Variants in EXO1 observed in about 807,000 individuals in gnomAD.
EXO1 encodes the protein exonuclease 1.
In EXO1, 69 loss-of-function variants were observed where a neutral mutation model predicts 84.5. The observed-to-expected ratio is 0.82, with a 90% CI of 0.67 to 1.00. The LOEUF (loss-of-function observed/expected upper bound fraction) is 1.00. EXO1 is among the 50% of genes least tolerant of loss of function. The pLI is 0.00. For synonymous variants in EXO1, 373 were observed against 366.1 expected (o/e 1.02, Z -0.21); for missense variants, 1,045 against 1,000.7 (o/e 1.04, Z -0.60).
chr1:241,869,838 CTG>C (rs1168220323), intron 11 of EXO1, among the ~76,000 whole-genome samples: 3 of 139,742 alleles, frequency 2.1e-5, no homozygotes, highest in African/African-American at 7.9e-5. Flanking sequence ...TTTTTTGAGA[CTG>C]TGTCACTGTG....
At chr1:241,849,809 T>G (rs1660551587) in intron 3 of EXO1, among the ~76,000 whole-genome samples, 1 of 152,194 alleles carries the variant, frequency 6.6e-6, no homozygotes, top group South Asian at 2.1e-4. Context: ...CCTGGCTCCT[T>G]GAAGCATGTG....
intron 7 of EXO1, among the ~76,000 whole-genome samples, chr1:241,858,197 C>T (rs1292919386): frequency 6.6e-6 from 1 of 152,138 alleles, no homozygotes; most frequent in Non-Finnish European, 1.5e-5. Context: ...AAATGTTTTT[C>T]GTATGCATTA....
chr1:241,863,601 G>A lies in EXO1; in HGVS notation c.1041+2099G>A, dbSNP rs374798495. 4.5e-4 allele frequency among the ~76,000 whole-genome samples: 69 copies of A among 152,080 alleles called. 2 individuals carry two copies. In the South Asian group the frequency reaches 0.014, roughly 31 times the overall value. ...CTGGTGATCCATTCAGCATGGAAAA[G>A]TAACCATTACTGTAAGCTGAAATAA... On this transcript the variant is annotated intron_variant, in intron 10 of 15. Coordinates refer to ENST00000366548, the MANE Select transcript of EXO1 (RefSeq NM_130398.4).
chr1:241,879,230 C>T lies in EXO1; in HGVS notation c.1996C>T (p.Pro666Ser). The change falls in exon 13 of 16, where the codon CCC becomes TCC. Residue 666 changes from proline (P) to serine (S), a missense_variant. Pro to Ser is a moderately conservative substitution (Grantham distance 74). Coordinates refer to ENST00000366548, the MANE Select transcript of EXO1 (RefSeq NM_130398.4). ...GGAGTCCAGTGACGATGAGTCTCAT[C>T]CCTTACGAGAAGAGGCATGTTCTTC... ...SEESSDDESH[P>S]LREEACSSQS... The T allele has an allele frequency of 1.2e-6, 2 of 1,600,662 alleles. No individual in the cohort carries two copies. The highest frequency in any genetic ancestry group is 1.7e-6 in the Non-Finnish European group (2 of 1,173,052).
In EXO1 at chr1:241,872,124, A is replaced by C. The variant is rs1662137302; in HGVS notation, c.1360A>C (p.Ser454Arg). 6.2e-7 allele frequency: 1 copy of C among 1,613,888 alleles called. No individual in the cohort carries two copies. The highest frequency in any genetic ancestry group is 1.3e-5 in the African/African-American group (1 of 74,894). ...TAGCTCTGAAGGCAATAAATCATTGAGCTTTTCTGAAGTGTTTGTGCCTGA... is the reference window on the plus strand; with the variant it reads ...TAGCTCTGAAGGCAATAAATCATTGCGCTTTTCTGAAGTGTTTGTGCCTGA... ...KNSSEGNKSLSFSEVFVPDLV... is the reference protein window; with the variant it reads ...KNSSEGNKSLRFSEVFVPDLV... The change falls in exon 12 of 16, where the codon AGC (serine) becomes CGC (arginine). Residue 454 changes from serine to arginine, a missense_variant. Coordinates refer to ENST00000366548, the MANE Select transcript of EXO1 (RefSeq NM_130398.4).
At chr1:241,876,347 C>T (rs1025502640) in intron 12 of EXO1, among the ~76,000 whole-genome samples, 5 of 152,050 alleles carry the variant, frequency 3.3e-5, no homozygotes, top group East Asian at 1.9e-4. Context: ...TCTGGGAGGC[C>T]GAGGAGGGTG....
intron 3 of EXO1, among the ~76,000 whole-genome samples, chr1:241,849,778 G>A (rs1283535761): frequency 2.6e-5 from 4 of 152,120 alleles, no homozygotes; most frequent in Non-Finnish European, 5.9e-5. Context: ...CGATGCCATC[G>A]CATGCATGGT....
chr1:241,876,244 C>A (rs75449509), intron 12 of EXO1, among the ~76,000 whole-genome samples: 1,559 of 152,280 alleles, frequency 0.01, 19 homozygotes, highest in South Asian at 0.079. Context: ...AGGAGTAAGT[C>A]AGTCTTTGAT....
chr1:241,880,866 G>A (rs1280544541), intron 13 of EXO1, among the ~76,000 whole-genome samples: 1 of 152,150 alleles, frequency 6.6e-6, no homozygotes, highest in African/African-American at 2.4e-5. Context: ...GACCATATTT[G>A]AGGTTGAAGT....
intron 12 of EXO1, among the ~76,000 whole-genome samples, chr1:241,874,916 A>AAC (rs1662305911): frequency 6.6e-6 from 1 of 152,242 alleles, no homozygotes; most frequent in Non-Finnish European, 1.5e-5. Flanking sequence ...ATGATAGAGT[A>AAC]ACACTAAGAG....
chr1:241,874,440 G>C (rs564122737), intron 12 of EXO1, among the ~76,000 whole-genome samples: 1 of 152,188 alleles, frequency 6.6e-6, no homozygotes, highest in South Asian at 2.1e-4. Flanking sequence ...GTTTTAATCA[G>C]GGGAGGTGGT....
chr1:241,866,956 T>C lies in EXO1; in HGVS notation c.1168T>C (p.Leu390=), dbSNP rs986935204. The C allele has an allele frequency of 4.3e-6, 7 of 1,613,910 alleles. No homozygotes were observed. In the East Asian group the frequency reaches 8.9e-5, roughly 21 times the overall value. Residue 390 remains leucine (L), a synonymous_variant, in exon 11 of 16, where the codon TTG becomes CTG. Transcript: ENST00000366548. ...ESGTVSDAPQ[L]KENPSTVGVE... is the part of the protein sequence containing the mutation. ...GGGTACTGTTTCAGATGCCCCACAA[T>C]TGAAGGAAAATCCAAGTACTGTGGG...
chr1:241,856,227 G>A (rs1290273955), intron 6 of EXO1, among the ~76,000 whole-genome samples: 13 of 151,822 alleles, frequency 8.6e-5, no homozygotes, highest in Admixed American at 8.5e-4. Context: ...ATAGCAGCAG[G>A]ATCTTGATAC....
In EXO1 at chr1:241,857,488, C is replaced by A; in HGVS notation, c.543+6C>A. The stretch of plus-strand genomic sequence containing the variant: ...TAGCTTTTGGCTGTAAAAAGGTACT[C>A]ACCTCTGACTACTATATATTACTTT... On this transcript the variant is annotated splice_donor_region_variant and intron_variant, in intron 7 of 15. Coordinates refer to ENST00000366548, the MANE Select transcript of EXO1 (RefSeq NM_130398.4). 1 of 1,611,444 alleles carries A rather than the reference C, an allele frequency of 6.2e-7. No individual in the cohort carries two copies. Among genetic ancestry groups the A allele is most frequent in the South Asian group, 1.1e-5 (1 of 90,980 alleles).
chr1:241,848,574 C>A lies in EXO1; in HGVS notation c.-419-157C>A, dbSNP rs1195588120. On this transcript the variant is annotated intron_variant, in intron 1 of 15. Coordinates refer to ENST00000366548, the MANE Select transcript of EXO1 (RefSeq NM_130398.4). The surrounding 1 kb of genome is among the most constrained non-coding windows in gnomAD (Gnocchi z 4.2). ...AACCAGAGGTCTGCAGTTCAGTGAA[C>A]GGAGGGAGATAAGAGAGCAGACGAT... 6.6e-6 allele frequency among the ~76,000 whole-genome samples: 1 copy of A among 152,158 alleles called. No homozygotes were observed. Among genetic ancestry groups the A allele is most frequent in the Non-Finnish European group, 1.5e-5 (1 of 68,030 alleles).
chr1:241,875,803 G>A (rs998890544), intron 12 of EXO1, among the ~76,000 whole-genome samples: 6 of 152,284 alleles, frequency 3.9e-5, no homozygotes, highest in South Asian at 2.1e-4. Flanking sequence ...GCTTGAACCC[G>A]GGAGGCGGAG....
chr1:241,879,115 C>A lies in EXO1; in HGVS notation c.1881C>A (p.Ser627Arg). ...CAAGAACGCCGAGCCCCTCTCCAAG[C>A]ACAGCATTGCAGCAGTTCCGAAGAA... ...DFSRTPSPSP[S>R]TALQQFRRKS... Residue 627 changes from serine (S) to arginine (R), a missense_variant, in exon 13 of 16, where the codon AGC becomes AGA. Transcript: ENST00000366548. The A allele has an allele frequency of 6.2e-7, 1 of 1,613,552 alleles. No homozygotes were observed. Among genetic ancestry groups the A allele is most frequent in the Non-Finnish European group, 8.5e-7 (1 of 1,179,424 alleles).
intron 4 of EXO1, among the ~76,000 whole-genome samples, chr1:241,850,836 CTTT>C (rs10641736): frequency 0.083 from 8,672 of 104,836 alleles, 440 homozygotes; most frequent in Admixed American, 0.22. Context: ...CTCCTTTATT[CTTT>C]TTTTTTTTTT....
At chr1:241,878,471 T>TG (rs1662531054) in intron 12 of EXO1, among the ~76,000 whole-genome samples, 1 of 142,192 alleles carries the variant, frequency 7.0e-6, no homozygotes, top group Non-Finnish European at 1.5e-5. Context: ...CACTCCAGCC[T>TG]GGTGACAGAG....
Sources: gnomAD v4.1 joint callset for allele counts (sites outside exome capture counted in the v4.1 genomes callset) on GRCh38, gnomAD v4.1.1 for gene constraint, Gnocchi (gnomAD v3.1) non-coding constraint, MANE v1.5 for transcripts, NCBI Gene and HGNC (gene_info 2026-07-23, HGNC 2026-07-21) for gene names.